Variants in KIFC3 observed in about 807,000 individuals in gnomAD.
KIFC3 encodes kinesin family member C3, also known as kinesin-like protein KIFC3.
A neutral mutation model predicts 101.8 loss-of-function variants in KIFC3; 60 were observed. The ratio of observed to expected loss-of-function variants is 0.59; its 90% confidence interval spans 0.48 to 0.73. The LOEUF (loss-of-function observed/expected upper bound fraction) is 0.73, where lower values mean the gene tolerates loss of function less well. KIFC3 is among the 30% of genes least tolerant of loss of function. The probability of loss-of-function intolerance (pLI) is 0.00; values close to 1 mark genes in which losing one functional copy is unlikely to be tolerated. For synonymous variants in KIFC3, 476 were observed against 482.7 expected, an observed-to-expected ratio of 0.99 and a Z score of 0.18; for missense variants, 966 against 1,137.1, an observed-to-expected ratio of 0.85 and a Z score of 2.16.
chr16:57,824,881 C>A (rs563887344), intron 1 of KIFC3, among the ~76,000 whole-genome samples: 1 of 152,090 alleles, frequency 6.6e-6, no homozygotes, highest in African/African-American at 2.4e-5. Flanking sequence ...TGGCCTCAAG[C>A]GATCCTCCCA....
At chr16:57,816,868 C>T in intron 1 of KIFC3, 1 of 406,054 alleles carries the variant, frequency 2.5e-6, no homozygotes, top group Non-Finnish European at 4.9e-6. Context: ...CTCCCTGTGA[C>T]CAAATCTGTG....
intron 1 of KIFC3, among the ~76,000 whole-genome samples, chr16:57,848,515 C>T (rs1489063222): frequency 1.3e-5 from 2 of 152,174 alleles, no homozygotes; most frequent in African/African-American, 4.8e-5. Context: ...GTAGTCCTAG[C>T]TATTGGGAAG....
At chr16:57,759,908 T>C in intron 17 of KIFC3, 72 bp from the exon 18 acceptor site, 2 of 1,179,458 alleles carry the variant, frequency 1.7e-6, no homozygotes, top group South Asian at 2.8e-5. Flanking sequence ...TGCTTCTCTC[T>C]ACTCCCCTGC....
At chr16:57,799,967 G>A (rs2054614870) in intron 1 of KIFC3, among the ~76,000 whole-genome samples, 1 of 152,102 alleles carries the variant, frequency 6.6e-6, no homozygotes, top group South Asian at 2.1e-4. Context: ...TGGGGCGGGA[G>A]CTGGGGGAGG....
chr16:57,858,802 T>G (rs971619651), intron 1 of KIFC3, among the ~76,000 whole-genome samples: 2 of 152,056 alleles, frequency 1.3e-5, no homozygotes, highest in African/African-American at 4.8e-5. Context: ...CAAAAAAGAT[T>G]AGCTGAGCGT....
At position 57,815,699 on chromosome 16, in the gene KIFC3, G is replaced by T. The variant is rs534308038; in HGVS notation, c.109-17417C>A. The T allele has an allele frequency of 1.0e-5, 13 of 1,255,946 alleles. No individual in the cohort carries two copies. In the East Asian group the frequency reaches 7.3e-4, roughly 70 times the overall value. 77.8% of individuals were successfully genotyped at this position (1,255,946 alleles called of 1,614,324 possible). On this transcript the variant is annotated intron_variant, in intron 1 of 2. Coordinates refer to the KIFC3 transcript ENST00000563028. ...ACTCCACTCGGGGCCTGGGAGAAGG[G>T]GAGCAAATATCTGTCTACTCCCTCA... is the stretch of plus-strand genomic sequence containing the variant.
intron 1 of KIFC3, among the ~76,000 whole-genome samples, chr16:57,799,819 G>GTT (rs1555624913): frequency 6.6e-6 from 1 of 152,230 alleles, no homozygotes; most frequent in East Asian, 1.9e-4. Context: ...TGACTGAAGT[G>GTT]TAAGTGGGAA....
chr16:57,788,060 C>T (rs1411704631), intron 3 of KIFC3, among the ~76,000 whole-genome samples: 3 of 152,220 alleles, frequency 2.0e-5, no homozygotes, highest in Non-Finnish European at 4.4e-5. Flanking sequence ...TCTTCCAGAA[C>T]CAGCCAGCCC....
At chr16:57,767,797 C>T (rs145710499) in intron 9 of KIFC3, among the ~76,000 whole-genome samples, 6,866 of 152,092 alleles carry the variant, frequency 0.045, 282 homozygotes, top group East Asian at 0.13. Context: ...CTCAGCCTCC[C>T]GAGTAGCTGG....
rs112869689 is a variant in KIFC3 at position 57,818,014 on chromosome 16, CTTTTTTTT to C, written c.109-19740_109-19733del. Among the ~76,000 whole-genome samples, 159 of 147,412 alleles carry C rather than the reference CTTTTTTTT, an allele frequency of 1.1e-3. 3 individuals carry two copies. Among genetic ancestry groups the C allele is most frequent in the Admixed American group, 8.1e-4 (12 of 14,820 alleles). Reference sequence around the variant, plus strand: ...GGCCATTGTCACATTTTCTTTCTTTCTTTTTTTTTTTTTTTGTTCTTTTCTATGTTTTG... The same window carrying C: ...GGCCATTGTCACATTTTCTTTCTTTCTTTTTTTGTTCTTTTCTATGTTTTG... On this transcript the variant is annotated intron_variant, in intron 1 of 2. Coordinates refer to the KIFC3 transcript ENST00000563028.
At chr16:57,777,725 A>T (rs1257219152) in intron 3 of KIFC3, among the ~76,000 whole-genome samples, 5 of 151,004 alleles carry the variant, frequency 3.3e-5, no homozygotes, top group African/African-American at 9.7e-5. Flanking sequence ...CATCTCAAAT[A>T]AAAAAAAAAT....
At chr16:57,840,550 C>T (rs929644550) in intron 1 of KIFC3, among the ~76,000 whole-genome samples, 34 of 152,010 alleles carry the variant, frequency 2.2e-4, no homozygotes, top group African/African-American at 4.4e-4. Context: ...CACCTGAGGT[C>T]GGGAGTTCGA....
At position 57,855,836 on chromosome 16, in the gene KIFC3, C is replaced by G. The variant is rs146220567; in HGVS notation, c.108+6893G>C. ...TGGCACACACCTATAGTCCCAGCTACTAGGGAGGCTGAGGCAGAAGAATCG... is the reference window on the plus strand; with the variant it reads ...TGGCACACACCTATAGTCCCAGCTAGTAGGGAGGCTGAGGCAGAAGAATCG... On this transcript the variant is annotated intron_variant, in intron 1 of 2. Transcript: ENST00000563028. 1.1e-3 allele frequency among the ~76,000 whole-genome samples: 160 copies of G among 151,444 alleles called. 1 individual carries two copies. The East Asian group carries it at 0.031, about 29-fold the overall frequency.
intron 3 of KIFC3, chr16:57,776,291 T>A (rs2052076187): frequency 1.0e-6 from 1 of 985,368 alleles, no homozygotes. Context: ...GAGCACACCC[T>A]GTGGAGCCCA....
chr16:57,771,190 G>A lies in KIFC3; in HGVS notation c.765+8C>T, dbSNP rs200308454. 89 of 1,611,686 alleles carry A rather than the reference G, an allele frequency of 5.5e-5. No individual in the cohort carries two copies. Among genetic ancestry groups the A allele is most frequent in the Non-Finnish European group, 6.9e-5 (81 of 1,179,760 alleles). On this transcript the variant is annotated splice_region_variant and intron_variant, in intron 6 of 19. Transcript: ENST00000445690. Reference sequence around the variant, plus strand: ...GCTGAGGCACAGATCAGGTGGGCCAGGGCTCACCTTGACAGGTGGGGACTG... The same window carrying A: ...GCTGAGGCACAGATCAGGTGGGCCAAGGCTCACCTTGACAGGTGGGGACTG...
chr16:57,839,151 C>A (rs918611009), intron 1 of KIFC3, among the ~76,000 whole-genome samples: 12 of 151,960 alleles, frequency 7.9e-5, no homozygotes, highest in Non-Finnish European at 2.9e-5. Flanking sequence ...TATGATCAAG[C>A]CACTGCACTT....
intron 1 of KIFC3, among the ~76,000 whole-genome samples, chr16:57,826,882 G>T (rs2055469397): frequency 6.6e-6 from 1 of 152,184 alleles, no homozygotes; most frequent in South Asian, 2.1e-4. Context: ...CTCCCAGAAT[G>T]TGGCTGCTGA....
At chr16:57,847,268 A>AAGGAAGG (rs1251452376) in intron 1 of KIFC3, among the ~76,000 whole-genome samples, 17 of 58,568 alleles carry the variant, frequency 2.9e-4, no homozygotes, top group African/African-American at 1.1e-3. Context: ...GGAAGGAAGG[A>AAGGAAGG]AGGGAAGGGA....
intron 3 of KIFC3, among the ~76,000 whole-genome samples, chr16:57,793,869 T>C (rs1251215142): frequency 1.3e-5 from 2 of 152,182 alleles, no homozygotes; most frequent in African/African-American, 2.4e-5. Flanking sequence ...TGGTTCTATA[T>C]AGGAAAGATA....
Sources: gnomAD v4.1 joint callset for allele counts (sites outside exome capture counted in the v4.1 genomes callset) on GRCh38, gnomAD v4.1.1 for gene constraint, MANE v1.5 for transcripts, NCBI Gene and HGNC (gene_info 2026-07-23, HGNC 2026-07-21) for gene names.